LRFN2: variants seen among roughly 807,000 people sequenced by gnomAD.
The protein encoded by LRFN2 is leucine rich repeat and fibronectin type III domain containing 2.
In LRFN2, 18 loss-of-function variants were observed where a neutral mutation model predicts 37.3. The observed-to-expected ratio is 0.48, with a 90% CI of 0.33 to 0.72. The LOEUF is 0.72. Among genes scored for constraint, LRFN2 ranks in the 30% least tolerant of loss-of-function variants. The pLI, the probability that LRFN2 is intolerant of heterozygous loss-of-function variation, is 0.02. For synonymous variants in LRFN2, 556 were observed against 466.6 expected (o/e 1.19, Z -2.47); for missense variants, 1,006 against 1,060.7 (o/e 0.95, Z 0.72).
intron 2 of LRFN2, among the ~76,000 whole-genome samples, chr6:40,424,199 C>T (rs948221738): frequency 1.3e-5 from 2 of 152,170 alleles, no homozygotes; most frequent in African/African-American, 4.8e-5. Flanking sequence ...CCAAGCTTCT[C>T]ACTGGCACCC....
chr6:40,547,741 G>T (rs948243452), intron 1 of LRFN2, among the ~76,000 whole-genome samples: 4 of 152,012 alleles, frequency 2.6e-5, no homozygotes, highest in Non-Finnish European at 5.9e-5. Context: ...AGTCTGGCCC[G>T]CAAGCAAAGG....
At chr6:40,479,242 G>A (rs114969360) in intron 1 of LRFN2, among the ~76,000 whole-genome samples, 2,312 of 152,258 alleles carry the variant, frequency 0.015, 64 homozygotes, top group African/African-American at 0.051. Context: ...ATTAATAGAA[G>A]CGATGTCTCT....
chr6:40,463,947 C>T (rs1764402834), intron 1 of LRFN2, among the ~76,000 whole-genome samples: 1 of 152,140 alleles, frequency 6.6e-6, no homozygotes, highest in South Asian at 2.1e-4. Flanking sequence ...TGTGTATTTG[C>T]TCATGCCTCC....
intron 1 of LRFN2, among the ~76,000 whole-genome samples, chr6:40,503,843 T>C (rs921421921): frequency 3.9e-5 from 6 of 152,014 alleles, no homozygotes; most frequent in Admixed American, 1.3e-4. Context: ...AGGACTTTAC[T>C]ATGCTCGTTG....
At chr6:40,397,838 G>A (rs775647119) in intron 2 of LRFN2, among the ~76,000 whole-genome samples, 2 of 147,384 alleles carry the variant, frequency 1.4e-5, no homozygotes, top group Non-Finnish European at 3.1e-5. Context: ...ATGTAGGCCA[G>A]TGCTGCTTGT....
chr6:40,398,109 C>G (rs1762652481), intron 2 of LRFN2, among the ~76,000 whole-genome samples: 1 of 151,928 alleles, frequency 6.6e-6, no homozygotes, highest in South Asian at 2.1e-4. Context: ...CTTTCTCAGC[C>G]TCACCACTGT....
intron 1 of LRFN2, among the ~76,000 whole-genome samples, chr6:40,581,747 T>C (rs764311902): frequency 6.6e-6 from 1 of 152,234 alleles, no homozygotes; most frequent in Non-Finnish European, 1.5e-5. Context: ...TTCACTGCCA[T>C]CATCCATTGC....
At chr6:40,470,591 A>G (rs916282545) in intron 1 of LRFN2, among the ~76,000 whole-genome samples, 2 of 150,068 alleles carry the variant, frequency 1.3e-5, no homozygotes, top group African/African-American at 5.0e-5. Flanking sequence ...GCCTGGTGAC[A>G]GAGCAAGACT....
chr6:40,487,405 C>G (rs1254217348), intron 1 of LRFN2, among the ~76,000 whole-genome samples: 1 of 152,182 alleles, frequency 6.6e-6, no homozygotes, highest in Non-Finnish European at 1.5e-5. Flanking sequence ...CACAGGTGCT[C>G]CAGATCTGGC....
At chr6:40,428,621 A>G (rs1183941353) in intron 2 of LRFN2, among the ~76,000 whole-genome samples, 1 of 152,242 alleles carries the variant, frequency 6.6e-6, no homozygotes, top group East Asian at 1.9e-4. Context: ...GCCGGAGTTC[A>G]AATCACAGCC....
chr6:40,414,195 G>A lies in LRFN2; in HGVS notation c.1400+17519C>T, dbSNP rs142602817. Among the ~76,000 whole-genome samples, 372 of 152,160 alleles carry A rather than the reference G, an allele frequency of 2.4e-3. 1 individual carries two copies. The highest frequency in any genetic ancestry group is 4.5e-3 in the Non-Finnish European group (307 of 67,992). The stretch of plus-strand genomic sequence containing the variant: ...GCAATTCCTAACCTAGGAAAGAATC[G>A]TAACCCTGCCTCCCAGGGGGCTATG... On this transcript the variant is annotated intron_variant, in intron 2 of 2. Coordinates refer to ENST00000338305, the MANE Select transcript of LRFN2 (RefSeq NM_020737.3).
chr6:40,529,260 C>A (rs567171259), intron 1 of LRFN2, among the ~76,000 whole-genome samples: 1 of 152,188 alleles, frequency 6.6e-6, no homozygotes, highest in Admixed American at 6.5e-5. Context: ...TTTGCATAAC[C>A]CTGGACTGAA....
chr6:40,446,979 G>T (rs761918807), intron 1 of LRFN2, among the ~76,000 whole-genome samples: 2 of 149,446 alleles, frequency 1.3e-5, no homozygotes, highest in Non-Finnish European at 3.0e-5. Flanking sequence ...GGACGAGGCT[G>T]CATCTCCCCT....
At chr6:40,426,534 C>A (rs2113819283) in intron 2 of LRFN2, among the ~76,000 whole-genome samples, 1 of 152,292 alleles carries the variant, frequency 6.6e-6, no homozygotes, top group Admixed American at 6.5e-5. Context: ...AGATACAAAG[C>A]CAAATCATTT....
chr6:40,424,278 T>A (rs998204810), intron 2 of LRFN2, among the ~76,000 whole-genome samples: 1 of 151,988 alleles, frequency 6.6e-6, no homozygotes. Flanking sequence ...ACAGAGAAAA[T>A]CCCTGTGGAC....
intron 1 of LRFN2, among the ~76,000 whole-genome samples, chr6:40,575,923 C>T (rs986716832): frequency 1.3e-5 from 2 of 152,162 alleles, no homozygotes; most frequent in Non-Finnish European, 2.9e-5. Context: ...ACCTACTGCA[C>T]AGAATGAATG....
intron 2 of LRFN2, among the ~76,000 whole-genome samples, chr6:40,397,731 G>A (rs781714420): frequency 1.1e-4 from 17 of 152,214 alleles, no homozygotes; most frequent in Admixed American, 6.5e-4. Context: ...GTTGTAAAGA[G>A]GCAAGAGGGT....
At chr6:40,487,602 TTGGAAGGA>T (rs139690446) in intron 1 of LRFN2, among the ~76,000 whole-genome samples, 2 of 152,328 alleles carry the variant, frequency 1.3e-5, no homozygotes, top group East Asian at 3.9e-4. Context: ...CCTCTGGCTT[TTGGAAGGA>T]TGACCAGAAG....
At chr6:40,565,754 A>T (rs973265898) in intron 1 of LRFN2, among the ~76,000 whole-genome samples, 15 of 151,826 alleles carry the variant, frequency 9.9e-5, no homozygotes, top group African/African-American at 3.6e-4. Flanking sequence ...TTAAAGACTT[A>T]CATGTTAGAC....
Sources: allele counts gnomAD v4.1 joint callset (sites outside exome capture counted in the v4.1 genomes callset), GRCh38; gene constraint gnomAD v4.1.1; transcripts MANE v1.5; gene names NCBI Gene and HGNC (gene_info 2026-07-23, HGNC 2026-07-21).